Variants in TENM1 observed in about 807,000 individuals in gnomAD.
TENM1 encodes teneurin-1.
A neutral mutation model predicts 174.8 loss-of-function variants in TENM1; 35 were observed. That is an observed-to-expected ratio of 0.20 (90% CI 0.15 to 0.27). The LOEUF is 0.27. Ranked by LOEUF, TENM1 falls within the 10% of genes least tolerant of loss-of-function variation. The probability of loss-of-function intolerance (pLI) is 1.00; values close to 1 mark genes in which losing one functional copy is unlikely to be tolerated. For missense variants in TENM1, 1,633 were observed against 2,130.1 expected, an observed-to-expected ratio of 0.77 and a Z score of 4.59; for synonymous variants, 781 against 798.7, an observed-to-expected ratio of 0.98 and a Z score of 0.37.
At chrX:124,587,985 A>G (rs1292241013) in intron 11 of TENM1, among the ~76,000 whole-genome samples, 4 of 112,072 alleles carry the variant, frequency 3.6e-5, no homozygotes, top group Non-Finnish European at 7.5e-5. Flanking sequence ...CAAAACCACA[A>G]TGAGATACCA....
At chrX:124,710,013 A>C (rs2053006416) in intron 4 of TENM1, among the ~76,000 whole-genome samples, 1 of 111,677 alleles carries the variant, frequency 9.0e-6, no homozygotes, top group African/African-American at 3.3e-5. Context: ...TTAATGAATA[A>C]GTGACTCTTA....
the TENM1 span, among the ~76,000 whole-genome samples, chrX:125,087,378 T>C: frequency 1.8e-5 from 2 of 111,384 alleles, no homozygotes; most frequent in Non-Finnish European, 1.9e-5. Context: ...ATGAAAATCA[T>C]TGGTCACAAA....
At chrX:124,909,631 G>A (rs935602954) in intron 1 of TENM1, among the ~76,000 whole-genome samples, 20 of 111,573 alleles carry the variant, frequency 1.8e-4, no homozygotes, top group African/African-American at 6.2e-4. Context: ...CACTTTACCC[G>A]CAACTTGTCA....
the TENM1 span, among the ~76,000 whole-genome samples, chrX:125,087,358 T>C: frequency 9.0e-6 from 1 of 111,252 alleles, no homozygotes; most frequent in African/African-American, 3.3e-5. Context: ...ACTGAAGGCA[T>C]TGTAAATCTA....
rs755840161 is a variant in TENM1, at chrX:124,479,697, T to C, written c.3949+2035A>G. The stretch of plus-strand genomic sequence containing the variant: ...AATGCAGTAGTTGAGGTGAATGGTT[T>C]TCAGACTAGCAGCAACTCAGGAGGA... On this transcript the variant is annotated intron_variant, in intron 22 of 31. Coordinates refer to ENST00000422452, the Ensembl canonical transcript of TENM1. 5.4e-5 allele frequency among the ~76,000 whole-genome samples: 6 copies of C among 111,411 alleles called. No individual in the cohort carries two copies. The East Asian group carries it at 1.7e-3, about 32-fold the overall frequency.
chrX:125,063,663 C>T, the TENM1 span, among the ~76,000 whole-genome samples: 1 of 111,765 alleles, frequency 8.9e-6, no homozygotes, highest in Non-Finnish European at 1.9e-5. Context: ...CAGGAAACAA[C>T]AGGTGCTAGA....
intron 6 of TENM1, among the ~76,000 whole-genome samples, chrX:124,656,833 G>T (rs2051455405): frequency 9.0e-6 from 1 of 111,184 alleles, no homozygotes; most frequent in Non-Finnish European, 1.9e-5. Context: ...ATTTTTTGAG[G>T]CCAGGTGCGG....
chrX:124,692,184 T>C (rs2052540946), intron 5 of TENM1, among the ~76,000 whole-genome samples: 1 of 111,524 alleles, frequency 9.0e-6, no homozygotes, highest in South Asian at 3.7e-4. Flanking sequence ...TACATAGCCA[T>C]GGGATCTATC....
At chrX:124,909,007 C>T (rs193039125) in intron 1 of TENM1, among the ~76,000 whole-genome samples, 176 of 110,685 alleles carry the variant, frequency 1.6e-3, no homozygotes, top group African/African-American at 5.4e-3. Context: ...TATAGGCACC[C>T]GCCACCATGC....
chrX:124,746,814 T>A (rs759511645), intron 3 of TENM1, among the ~76,000 whole-genome samples: 75 of 110,789 alleles, frequency 6.8e-4, no homozygotes, highest in African/African-American at 2.4e-3. Flanking sequence ...TGTCTGCTAG[T>A]GGATCAAGTG....
intron 27 of TENM1, among the ~76,000 whole-genome samples, chrX:124,402,494 A>G (rs1453810322): frequency 8.9e-6 from 1 of 112,387 alleles, no homozygotes; most frequent in Non-Finnish European, 1.9e-5. Context: ...AACACTAATG[A>G]GCTCCCAAAT....
intron 18 of TENM1, among the ~76,000 whole-genome samples, chrX:124,511,959 T>C (rs2047594310): frequency 8.9e-6 from 1 of 112,120 alleles, no homozygotes; most frequent in African/African-American, 3.2e-5. Flanking sequence ...GCCAAACTAC[T>C]ATACTAAATA....
At chrX:124,419,827 T>A (rs891799488) in intron 25 of TENM1, among the ~76,000 whole-genome samples, 5 of 111,736 alleles carry the variant, frequency 4.5e-5, no homozygotes, top group African/African-American at 1.6e-4. Flanking sequence ...CTTCTTATAT[T>A]TGAACTTCTC....
At chrX:124,637,942 C>A (rs2050919035) in intron 11 of TENM1, among the ~76,000 whole-genome samples, 1 of 112,194 alleles carries the variant, frequency 8.9e-6, no homozygotes, top group Admixed American at 9.4e-5. Context: ...CACTGTGAGG[C>A]AAACTGCTTA....
chrX:124,659,985 G>T (rs982310738), intron 6 of TENM1, among the ~76,000 whole-genome samples: 2 of 111,373 alleles, frequency 1.8e-5, no homozygotes, highest in Non-Finnish European at 3.8e-5. Context: ...ACTCAAAATG[G>T]ATCAAATGCC....
chrX:124,536,381 A>C (rs1054244335), intron 15 of TENM1, among the ~76,000 whole-genome samples: 2 of 111,718 alleles, frequency 1.8e-5, no homozygotes, highest in East Asian at 5.6e-4. Flanking sequence ...AACAATGCCT[A>C]CCAAGTGGGT....
the TENM1 span, among the ~76,000 whole-genome samples, chrX:125,159,992 G>C: frequency 9.1e-6 from 1 of 110,392 alleles, no homozygotes; most frequent in African/African-American, 3.3e-5. Context: ...TTGAGGTCAG[G>C]AGTTCAAGAC....
At chrX:124,803,012 C>G (rs945979358) in intron 3 of TENM1, among the ~76,000 whole-genome samples, 3 of 111,828 alleles carry the variant, frequency 2.7e-5, no homozygotes, top group African/African-American at 9.8e-5. Flanking sequence ...AATACATTAA[C>G]AGTTTTTAAC....
At chrX:125,051,957 C>G in the TENM1 span, among the ~76,000 whole-genome samples, 2 of 109,395 alleles carry the variant, frequency 1.8e-5, no homozygotes, top group Non-Finnish European at 3.8e-5. Flanking sequence ...TGACAAAGGG[C>G]TAATATCCAG....
Sources: gnomAD v4.1 joint callset for allele counts (sites outside exome capture counted in the v4.1 genomes callset) on GRCh38, gnomAD v4.1.1 for gene constraint, MANE v1.5 for transcripts, NCBI Gene and HGNC (gene_info 2026-07-23, HGNC 2026-07-21) for gene names.